SATB1: variants seen among roughly 807,000 people sequenced by gnomAD.
SATB1 encodes the protein DNA-binding protein SATB1.
In SATB1, 11 loss-of-function variants were observed where a neutral mutation model predicts 86.9. That is an observed-to-expected ratio of 0.13 (90% CI 0.08 to 0.21). The LOEUF is 0.21. Ranked by LOEUF, SATB1 falls within the 10% of genes least tolerant of loss-of-function variation. The pLI, the probability that SATB1 is intolerant of heterozygous loss-of-function variation, is 1.00. For synonymous variants in SATB1, 357 were observed against 357.2 expected (o/e 1.00, Z 0.01); for missense variants, 551 against 937.6 (o/e 0.59, Z 5.39).
At chr3:18,351,366 C>G (rs1182474951) in intron 10 of SATB1, 1 of 1,556,418 alleles carries the variant, frequency 6.4e-7, no homozygotes, top group South Asian at 1.2e-5. Flanking sequence ...GGTAAGAAAA[C>G]GCCTCTAGAC....
chr3:18,414,388 A>C (rs145726249), intron 5 of SATB1, among the ~76,000 whole-genome samples: 1 of 152,172 alleles, frequency 6.6e-6, no homozygotes, highest in East Asian at 1.9e-4. Context: ...GGCAGTCTCT[A>C]TCTAGAGTTT....
intron 9 of SATB1, among the ~76,000 whole-genome samples, chr3:18,369,338 GA>G (rs1028792853): frequency 4.6e-5 from 7 of 150,690 alleles, no homozygotes; most frequent in Non-Finnish European, 1.0e-4. Flanking sequence ...AAAACTTACA[GA>G]AAAAAAATGA....
chr3:18,358,503 A>G (rs1044486853), intron 9 of SATB1, among the ~76,000 whole-genome samples: 5 of 151,500 alleles, frequency 3.3e-5, no homozygotes, highest in Non-Finnish European at 7.4e-5. Context: ...CTGGCACTGT[A>G]AGTAACTTTT....
chr3:18,386,394 C>T lies in SATB1; in HGVS notation c.1419+5G>A, dbSNP rs770464755. Reference sequence around the variant, plus strand: ...AGAAGGGCAAGGAGGAAAAGGAGACCGCACCTGGGGAGGACGGCTGGGTGG... The same window carrying T: ...AGAAGGGCAAGGAGGAAAAGGAGACTGCACCTGGGGAGGACGGCTGGGTGG... On this transcript the variant is annotated splice_donor_5th_base_variant and intron_variant, in intron 8 of 10. Coordinates refer to ENST00000338745, the MANE Select transcript of SATB1 (RefSeq NM_002971.6). The surrounding 1 kb of genome is among the most constrained non-coding windows in gnomAD (Gnocchi z 4.5). 2.5e-6 allele frequency: 4 copies of T among 1,608,832 alleles called. No individual in the cohort carries two copies. Among genetic ancestry groups the T allele is most frequent in the East Asian group, 2.2e-5 (1 of 44,736 alleles).
Position 18,386,065 on chromosome 3 carries a change from G to T in SATB1, c.1419+334C>A, listed in dbSNP as rs566770658. Among the ~76,000 whole-genome samples, 4 of 152,074 alleles carry T rather than the reference G, an allele frequency of 2.6e-5. No homozygotes were observed. Among genetic ancestry groups the T allele is most frequent in the African/African-American group, 9.6e-5 (4 of 41,508 alleles). ...AAATGGCGATTCTGAAACCAGTTGG[G>T]AAAAAACTGACTTTATTCTTTTTCT... On this transcript the variant is annotated intron_variant, in intron 8 of 10. Transcript: ENST00000338745. The surrounding 1 kb of genome is among the most constrained non-coding windows in gnomAD (Gnocchi z 4.5).
intron 2 of SATB1, among the ~76,000 whole-genome samples, chr3:18,419,368 A>C (rs1387657558): frequency 2.6e-5 from 4 of 152,220 alleles, no homozygotes; most frequent in African/African-American, 9.6e-5. Context: ...TGCTAAAAAT[A>C]CCACATGATT....
At chr3:18,408,089 G>T (rs188119100) in intron 5 of SATB1, among the ~76,000 whole-genome samples, 1 of 152,096 alleles carries the variant, frequency 6.6e-6, no homozygotes, top group African/African-American at 2.4e-5. Flanking sequence ...CTATCAACTG[G>T]TTTGCATCTT....
intron 10 of SATB1, chr3:18,350,592 A>G (rs1005234095): frequency 6.6e-6 from 1 of 152,322 alleles, no homozygotes; most frequent in South Asian, 2.1e-4. Context: ...ATTTCCTTTT[A>G]TACCCCTAAG....
At chr3:18,443,619 T>C (rs893829933), upstream of SATB1, among the ~76,000 whole-genome samples, 1 of 152,196 alleles carries the variant, frequency 6.6e-6, no homozygotes, top group Non-Finnish European at 1.5e-5. The surrounding 1 kb of genome is among the most constrained non-coding windows in gnomAD (Gnocchi z 4.4). Context: ...AAGAGGAAAC[T>C]GCGTTTCCCC....
rs1694529738 is a variant in SATB1 at position 18,354,416 on chromosome 3, C to T, written c.1576-2221G>A. 5.9e-5 allele frequency among the ~76,000 whole-genome samples: 9 copies of T among 152,246 alleles called. No homozygotes were observed. In the South Asian group the frequency reaches 1.9e-3, roughly 32 times the overall value. On this transcript the variant is annotated intron_variant, in intron 9 of 10. Transcript: ENST00000338745. The stretch of plus-strand genomic sequence containing the variant: ...TTGACAGAACCCCTCTACCCGAACA[C>T]AGCAAATCACACAGTTTTATATACC...
chr3:18,369,402 T>C (rs1442014262), intron 9 of SATB1, among the ~76,000 whole-genome samples: 1 of 152,098 alleles, frequency 6.6e-6, no homozygotes, highest in African/African-American at 2.4e-5. Context: ...GGTAAAAGTA[T>C]AAAAATGGAA....
At position 18,413,559 on chromosome 3, in the gene SATB1, C is replaced by T. The variant is rs74944600; in HGVS notation, c.639+1552G>A. Among the ~76,000 whole-genome samples the T allele has an allele frequency of 9.0e-3, 1,373 of 152,118 alleles. 20 individuals carry two copies. Among genetic ancestry groups the T allele is most frequent in the African/African-American group, 0.028 (1,180 of 41,528 alleles). On this transcript the variant is annotated intron_variant, in intron 5 of 10. Coordinates refer to ENST00000338745, the MANE Select transcript of SATB1 (RefSeq NM_002971.6). ...GTAACATGTTATCTGGAGTTGTCTG[C>T]GAAACAAAGTCCCTGAAGTAAGAGT...
chr3:18,360,770 C>A lies in SATB1; in HGVS notation c.1576-8575G>T, dbSNP rs543282576. ...CCCAATGCCTGCTCCATGGTAACTA[C>A]CAAAAGGTCTTATAAACTTTACTGA... On this transcript the variant is annotated intron_variant, in intron 9 of 10. Coordinates refer to ENST00000338745, the MANE Select transcript of SATB1 (RefSeq NM_002971.6). Among the ~76,000 whole-genome samples the A allele has an allele frequency of 7.9e-5, 12 of 152,166 alleles. No individual in the cohort carries two copies. The South Asian group carries it at 1.9e-3, about 24-fold the overall frequency.
chr3:18,386,648 C>CT lies in SATB1; in HGVS notation c.1207-38dup. On this transcript the variant is annotated intron_variant, in intron 7 of 10. Transcript: ENST00000338745. The surrounding 1 kb of genome is among the most constrained non-coding windows in gnomAD (Gnocchi z 4.5). ...GAAAGGCACAGGGTGAGCCTGCTGC[C>CT]TTGCTTTGCCTGGCCAGCAGTGATC... 1 of 1,560,100 alleles carries CT rather than the reference C, an allele frequency of 6.4e-7. No homozygotes were observed. Among genetic ancestry groups the CT allele is most frequent in the Non-Finnish European group, 8.8e-7 (1 of 1,131,860 alleles).
At chr3:18,427,529 CAATATT>C (rs1209305061), upstream of SATB1, among the ~76,000 whole-genome samples, 5 of 152,032 alleles carry the variant, frequency 3.3e-5, no homozygotes. Flanking sequence ...CGGGAAATAT[CAATATT>C]AAGATAGACT....
At chr3:18,413,866 C>T (rs1302208044) in intron 5 of SATB1, among the ~76,000 whole-genome samples, 1 of 151,954 alleles carries the variant, frequency 6.6e-6, no homozygotes, top group African/African-American at 2.4e-5. Context: ...AAATTTCTAG[C>T]AAATATCAAA....
At chr3:18,350,246 C>T (rs1694283625) in intron 10 of SATB1, 1 of 152,796 alleles carries the variant, frequency 6.5e-6, no homozygotes, top group South Asian at 2.1e-4. Flanking sequence ...AATTTTCTAT[C>T]AGACAGTTCC....
chr3:18,401,336 G>A (rs1431051472), intron 5 of SATB1, among the ~76,000 whole-genome samples: 4 of 152,046 alleles, frequency 2.6e-5, no homozygotes, highest in Non-Finnish European at 5.9e-5. Flanking sequence ...CCATCGCTTT[G>A]GCTGTCGTGA....
chr3:18,444,741 C>G lies in SATB1; in HGVS notation c.-25+777G>C, dbSNP rs569861882. 1.4e-6 allele frequency: 1 copy of G among 714,620 alleles called. No individual in the cohort carries two copies. Among genetic ancestry groups the G allele is most frequent in the African/African-American group, 1.9e-5 (1 of 51,728 alleles). 44.3% of individuals were successfully genotyped at this position (714,620 alleles called of 1,614,324 possible). A position where few individuals can be genotyped will look rare whatever the true frequency, so the allele number is the denominator to read the frequency against. ...CCTCTCCTGCCGCCGCCGCCGCCGC[C>G]GGAGCTGCGGCTGCCGCGGAAGTTA... On this transcript the variant is annotated intron_variant, in intron 1 of 3. Transcript: ENST00000415069. This position sits in a 1 kb window ranked among gnomAD's most constrained non-coding sequence, Gnocchi z 5.1.
Sources: allele counts gnomAD v4.1 joint callset (sites outside exome capture counted in the v4.1 genomes callset), GRCh38; gene constraint gnomAD v4.1.1; non-coding constraint Gnocchi (gnomAD v3.1); transcripts MANE v1.5; gene names NCBI Gene and HGNC (gene_info 2026-07-23, HGNC 2026-07-21).